Variants in TMPRSS15 observed in about 807,000 individuals in gnomAD.
The protein encoded by TMPRSS15 is transmembrane serine protease 15, also known as enteropeptidase.
A neutral mutation model predicts 125.3 loss-of-function variants in TMPRSS15; 128 were observed. The ratio of observed to expected loss-of-function variants is 1.02; its 90% confidence interval spans 0.89 to 1.18. TMPRSS15 has a LOEUF of 1.18. Among genes scored for constraint, TMPRSS15 ranks in the 50% most tolerant of loss-of-function variants. The pLI, the probability that TMPRSS15 is intolerant of heterozygous loss-of-function variation, is 0.00. For missense variants in TMPRSS15, 1,283 were observed against 1,212.7 expected, an observed-to-expected ratio of 1.06 and a Z score of -0.86; for synonymous variants, 446 against 423.2, an observed-to-expected ratio of 1.05 and a Z score of -0.66.
chr21:18,482,894 A>G (rs983048349), intron 1 of TMPRSS15, among the ~76,000 whole-genome samples: 1 of 151,724 alleles, frequency 6.6e-6, no homozygotes, highest in Non-Finnish European at 1.5e-5. Context: ...TGAATCTATT[A>G]ATATGTAACT....
chr21:18,312,230 A>G (rs1461506556), intron 18 of TMPRSS15, among the ~76,000 whole-genome samples: 2 of 151,982 alleles, frequency 1.3e-5, no homozygotes, highest in Non-Finnish European at 2.9e-5. Flanking sequence ...TTCATTTTCT[A>G]CCTAATTACT....
chr21:18,361,379 G>A (rs539064911), intron 7 of TMPRSS15, among the ~76,000 whole-genome samples: 16 of 152,142 alleles, frequency 1.1e-4, no homozygotes, highest in Non-Finnish European at 2.2e-4. Flanking sequence ...TTGGGCATGA[G>A]TTTGGCTAGA....
chr21:18,332,125 C>T lies in TMPRSS15; in HGVS notation c.1613G>A (p.Ser538Asn), dbSNP rs375661015. The T allele has an allele frequency of 2.3e-5, 37 of 1,613,984 alleles. No homozygotes were observed. Among genetic ancestry groups the T allele is most frequent in the Non-Finnish European group, 3.1e-5 (37 of 1,179,982 alleles). ...FELWEPNTTF[S>N]STNFPNSYPN... ...GTAGCTGTTTGGAAAGTTCGTAGAA[C>T]TGAATGTTGTATTTGGCTCCCACAG... The change falls in exon 14 of 25, where the codon AGT (serine) becomes AAT (asparagine). Residue 538 changes from serine (S) to asparagine (N), a missense_variant. By Grantham distance (46) the Ser-to-Asn change is conservative. Coordinates refer to ENST00000284885, the MANE Select transcript of TMPRSS15 (RefSeq NM_002772.3).
At position 18,371,128 on chromosome 21, in the gene TMPRSS15, T is replaced by C. The variant is rs2075787918; in HGVS notation, c.664+1065A>G. Among the ~76,000 whole-genome samples the C allele has an allele frequency of 2.0e-5, 3 of 152,156 alleles. No individual in the cohort carries two copies. The South Asian group carries it at 6.2e-4, about 31-fold the overall frequency. Reference sequence around the variant, plus strand: ...CTCCAGTGGATGCCTGAACCATGGATAGTACTGACCCCTATATCTACTATG... The same window carrying C: ...CTCCAGTGGATGCCTGAACCATGGACAGTACTGACCCCTATATCTACTATG... On this transcript the variant is annotated intron_variant, in intron 6 of 24. Coordinates refer to ENST00000284885, the MANE Select transcript of TMPRSS15 (RefSeq NM_002772.3).
chr21:18,391,213 G>C (rs890301817), intron 3 of TMPRSS15, among the ~76,000 whole-genome samples: 4 of 152,144 alleles, frequency 2.6e-5, no homozygotes, highest in African/African-American at 9.7e-5. Flanking sequence ...CTTCCCAACA[G>C]TCCCTCAAAG....
At chr21:18,363,407 C>T (rs1182310842) in intron 7 of TMPRSS15, among the ~76,000 whole-genome samples, 2 of 152,068 alleles carry the variant, frequency 1.3e-5, no homozygotes, top group African/African-American at 4.8e-5. Context: ...ATTATCATTA[C>T]AGCAGAAGTT....
At chr21:18,303,197 C>T (rs2074991749) in intron 18 of TMPRSS15, among the ~76,000 whole-genome samples, 1 of 151,972 alleles carries the variant, frequency 6.6e-6, no homozygotes, top group Non-Finnish European at 1.5e-5. Context: ...TGTAGATTTG[C>T]CTCTTTATTT....
rs150661131 is a variant in TMPRSS15, at chr21:18,442,119, C to G, written c.10+43680G>C. 7.7e-3 allele frequency among the ~76,000 whole-genome samples: 1,169 copies of G among 152,244 alleles called. 19 individuals carry two copies. The highest frequency in any genetic ancestry group is 0.027 in the African/African-American group (1,119 of 41,542). ...ACTGTCCTTTGTGTTGTTAAAATTC[C>G]TATCTTTCCAATAATACTGTTTTAC... On this transcript the variant is annotated intron_variant, in intron 1 of 7. Transcript: ENST00000422787.
intron 22 of TMPRSS15, among the ~76,000 whole-genome samples, chr21:18,279,360 C>G (rs1169659101): frequency 1.7e-5 from 2 of 117,822 alleles, no homozygotes; most frequent in African/African-American, 6.3e-5. Context: ...GAGTCTCACT[C>G]GGTCGCCCAG....
rs146695857 is a variant in TMPRSS15 at position 18,270,031 on chromosome 21, G to T, written c.2998C>A (p.Arg1000Ser). The T allele has an allele frequency of 1.8e-4, 283 of 1,613,946 alleles. No homozygotes were observed. The highest frequency in any genetic ancestry group is 2.3e-4 in the Non-Finnish European group (266 of 1,179,908). The change falls in exon 25 of 25, where the codon CGC becomes AGC. Residue 1000 changes from arginine to serine, a missense_variant. Transcript: ENST00000284885. ...GAGACCCTGGCATACACTCCGGGGCGATTAGGCAGGGCACACTTGTATCCA... is the reference window on the plus strand; with the variant it reads ...GAGACCCTGGCATACACTCCGGGGCTATTAGGCAGGGCACACTTGTATCCA... ...SFGYKCALPN[R>S]PGVYARVSRF...
intron 1 of TMPRSS15, among the ~76,000 whole-genome samples, chr21:18,416,599 G>A (rs2076180798): frequency 1.3e-5 from 2 of 151,936 alleles, no homozygotes; most frequent in African/African-American, 4.8e-5. Context: ...GAGTGGGGAT[G>A]ATACTGGTTA....
chr21:18,413,327 C>CCTTCCTTCCTTA (rs1204745431), intron 1 of TMPRSS15, among the ~76,000 whole-genome samples: 3 of 128,480 alleles, frequency 2.3e-5, no homozygotes, highest in Non-Finnish European at 4.9e-5. Flanking sequence ...TTCCTTCCTT[C>CCTTCCTTCCTTA]CTTCCTTCCT....
chr21:18,377,845 C>T (rs1601412375), intron 5 of TMPRSS15, among the ~76,000 whole-genome samples: 1 of 152,222 alleles, frequency 6.6e-6, no homozygotes, highest in East Asian at 1.9e-4. Context: ...ACCCCTCATT[C>T]ATCATTTCCT....
In TMPRSS15 at chr21:18,452,034, C is replaced by T. The variant is rs73895623; in HGVS notation, c.10+33765G>A. Among the ~76,000 whole-genome samples, 990 of 152,150 alleles carry T rather than the reference C, an allele frequency of 6.5e-3. 9 individuals are homozygous for T. Among genetic ancestry groups the T allele is most frequent in the African/African-American group, 0.023 (934 of 41,504 alleles). On this transcript the variant is annotated intron_variant, in intron 1 of 7. Coordinates refer to the TMPRSS15 transcript ENST00000422787. ...AAAAAAGATTCATTATGATTTTACTCGAGATCAATAGCTACATCCGAATTT... is the reference window on the plus strand; with the variant it reads ...AAAAAAGATTCATTATGATTTTACTTGAGATCAATAGCTACATCCGAATTT...
At chr21:18,482,589 C>G (rs1568739600) in intron 1 of TMPRSS15, among the ~76,000 whole-genome samples, 1 of 151,232 alleles carries the variant, frequency 6.6e-6, no homozygotes, top group African/African-American at 2.4e-5. Flanking sequence ...TTAGTTTTCT[C>G]CTAATTTTAT....
chr21:18,273,761 A>G (rs904823253), intron 24 of TMPRSS15, among the ~76,000 whole-genome samples: 9 of 152,306 alleles, frequency 5.9e-5, no homozygotes, highest in African/African-American at 2.2e-4. Context: ...TTTCATTTTA[A>G]AAAAGAAGTA....
At chr21:18,447,017 A>G (rs2076257134) in intron 1 of TMPRSS15, among the ~76,000 whole-genome samples, 1 of 152,238 alleles carries the variant, frequency 6.6e-6, no homozygotes, top group Non-Finnish European at 1.5e-5. Context: ...AGGATAAACT[A>G]TTTGCAATCT....
At chr21:18,301,516 G>A (rs1231112475) in intron 18 of TMPRSS15, among the ~76,000 whole-genome samples, 1 of 152,158 alleles carries the variant, frequency 6.6e-6, no homozygotes, top group Non-Finnish European at 1.5e-5. Flanking sequence ...ATTATATTAA[G>A]TTCTGTAATA....
At chr21:18,417,655 G>T (rs1450603323) in intron 1 of TMPRSS15, among the ~76,000 whole-genome samples, 1 of 152,098 alleles carries the variant, frequency 6.6e-6, no homozygotes, top group Non-Finnish European at 1.5e-5. Context: ...CCCCTCAGAA[G>T]TCTGTATCTG....
Sources: gnomAD v4.1 joint callset for allele counts (sites outside exome capture counted in the v4.1 genomes callset) on GRCh38, gnomAD v4.1.1 for gene constraint, MANE v1.5 for transcripts, NCBI Gene and HGNC (gene_info 2026-07-23, HGNC 2026-07-21) for gene names.